The following FNIP1 variants were observed in gnomAD, a reference collection of about 807,000 sequenced individuals.
FNIP1 encodes folliculin interacting protein 1, also known as folliculin-interacting protein 1.
Under a neutral mutation model 124.5 loss-of-function variants are expected in FNIP1, and 40 were observed. The observed-to-expected ratio is 0.32, with a 90% CI of 0.25 to 0.42. The LOEUF (loss-of-function observed/expected upper bound fraction) is 0.42. Ranked by LOEUF, FNIP1 falls within the 10% of genes least tolerant of loss-of-function variation. The pLI is 1.00. For synonymous variants in FNIP1, 472 were observed against 470.6 expected (o/e 1.00, Z -0.04); for missense variants, 1,176 against 1,403.7 (o/e 0.84, Z 2.59).
Position 131,698,966 on chromosome 5 carries a change from G to T in FNIP1, c.1153C>A (p.Gln385Lys). ...ATTCGATTATATGCCAAACTTCTCT[G>T]ACTGGCATCAGCTGATCTCCGGCTC... ...KMSRRSADAS[Q>K]RSLAYNRIVD... is the part of the protein sequence containing the mutation. The change falls in exon 11 of 18, where the codon CAG (glutamine) becomes AAG (lysine). Residue 385 changes from glutamine (Q) to lysine (K), a missense_variant. By Grantham distance (53) the Gln-to-Lys change is moderately conservative. Coordinates refer to ENST00000510461, the MANE Select transcript of FNIP1 (RefSeq NM_133372.3). The T allele has an allele frequency of 6.2e-7, 1 of 1,611,452 alleles. No homozygotes were observed. Among genetic ancestry groups the T allele is most frequent in the South Asian group, 1.1e-5 (1 of 90,548 alleles).
intron 11 of FNIP1, among the ~76,000 whole-genome samples, chr5:131,687,034 A>G (rs1440794918): frequency 1.3e-5 from 2 of 150,636 alleles, no homozygotes; most frequent in Non-Finnish European, 3.0e-5. Flanking sequence ...AAAAAAAAAA[A>G]GCATAGGTTT....
At chr5:131,712,550 G>C (rs1381705967) in intron 6 of FNIP1, among the ~76,000 whole-genome samples, 3 of 152,136 alleles carry the variant, frequency 2.0e-5, no homozygotes, top group African/African-American at 2.4e-5. Context: ...GAATTTAGCT[G>C]TATCCTCATC....
chr5:131,693,457 G>A (rs1249239262), intron 11 of FNIP1, among the ~76,000 whole-genome samples: 1 of 149,308 alleles, frequency 6.7e-6, no homozygotes, highest in Non-Finnish European at 1.5e-5. Flanking sequence ...CTTTGACAAC[G>A]GAGCAAAGGT....
intron 1 of FNIP1, among the ~76,000 whole-genome samples, chr5:131,776,317 A>C (rs1304052779): frequency 4.6e-5 from 7 of 152,260 alleles, no homozygotes; most frequent in African/African-American, 1.4e-4. Context: ...ATATTTAGGA[A>C]TGCAATGTGT....
intron 12 of FNIP1, 22 bp downstream of exon 12, chr5:131,679,007 G>A (rs1193641149): frequency 6.5e-7 from 1 of 1,539,650 alleles, no homozygotes; most frequent in East Asian, 2.3e-5. Flanking sequence ...TAGATATCTA[G>A]TTATAATAAA....
At chr5:131,698,885 T>G (rs1164540772) in intron 11 of FNIP1, 32 bp downstream of exon 11, 15 of 1,546,962 alleles carry the variant, frequency 9.7e-6, no homozygotes, top group Non-Finnish European at 1.3e-5. Flanking sequence ...CACTATGAAT[T>G]ACTGCATTAT....
chr5:131,747,152 C>T (rs1383649367), intron 1 of FNIP1, among the ~76,000 whole-genome samples: 1 of 151,954 alleles, frequency 6.6e-6, no homozygotes, highest in African/African-American at 2.4e-5. Flanking sequence ...GTTTAAATTC[C>T]TTATAGATTC....
In FNIP1 at chr5:131,650,602, T is replaced by C. The variant is rs569927708; in HGVS notation, c.3306+1200A>G. ...TATTTCCTCTTTTCCAATCTTGAAG[T>C]CTTTTGTATTTTTCTTGCCTGATTG... is the stretch of plus-strand genomic sequence containing the variant. On this transcript the variant is annotated intron_variant, in intron 16 of 17. Transcript: ENST00000510461. 2.0e-5 allele frequency among the ~76,000 whole-genome samples: 3 copies of C among 152,308 alleles called. No individual in the cohort carries two copies. The East Asian group carries it at 5.8e-4, about 29-fold the overall frequency.
chr5:131,684,988 T>C (rs1325666948), intron 11 of FNIP1, among the ~76,000 whole-genome samples: 1 of 152,162 alleles, frequency 6.6e-6, no homozygotes, highest in African/African-American at 2.4e-5. Context: ...TGAAAACATA[T>C]AATGTACCCA....
At chr5:131,668,859 C>T (rs1345719976) in intron 15 of FNIP1, among the ~76,000 whole-genome samples, 1 of 152,142 alleles carries the variant, frequency 6.6e-6, no homozygotes, top group African/African-American at 2.4e-5. Context: ...AAAAGCAGGA[C>T]AATTTGGCCC....
At chr5:131,771,890 A>C (rs571980978) in intron 1 of FNIP1, among the ~76,000 whole-genome samples, 2 of 152,244 alleles carry the variant, frequency 1.3e-5, no homozygotes, top group African/African-American at 4.8e-5. Flanking sequence ...CACATTTGAC[A>C]CTATGACCTC....
At chr5:131,729,972 C>T (rs947138140) in intron 3 of FNIP1, among the ~76,000 whole-genome samples, 11 of 151,764 alleles carry the variant, frequency 7.2e-5, no homozygotes, top group African/African-American at 2.4e-4. Flanking sequence ...AACTCCTGAC[C>T]TCAGGTGATC....
intron 16 of FNIP1, among the ~76,000 whole-genome samples, chr5:131,649,986 T>C (rs945162006): frequency 6.6e-6 from 1 of 152,212 alleles, no homozygotes; most frequent in Admixed American, 6.5e-5. Context: ...TATATACCTG[T>C]CCTTATGCCA....
intron 1 of FNIP1, among the ~76,000 whole-genome samples, chr5:131,781,938 T>C (rs753477000): frequency 6.6e-6 from 1 of 152,096 alleles, no homozygotes; most frequent in African/African-American, 2.4e-5. Flanking sequence ...GTGGGAAGAC[T>C]GCTTGAGGCC....
chr5:131,760,089 G>C (rs1487208059), intron 1 of FNIP1, among the ~76,000 whole-genome samples: 1 of 152,132 alleles, frequency 6.6e-6, no homozygotes, highest in Non-Finnish European at 1.5e-5. Flanking sequence ...GACTACTAGA[G>C]GGAAGAGGGA....
chr5:131,732,484 T>A (rs942704871), intron 2 of FNIP1, among the ~76,000 whole-genome samples: 1 of 152,218 alleles, frequency 6.6e-6, no homozygotes, highest in East Asian at 1.9e-4. Flanking sequence ...AAGTCTTTAA[T>A]CCATCTTGAA....
chr5:131,718,989 T>C lies in FNIP1; in HGVS notation c.527A>G (p.Asn176Ser), dbSNP rs747144983. The C allele has an allele frequency of 1.2e-6, 2 of 1,612,942 alleles. No homozygotes were observed. Among genetic ancestry groups the C allele is most frequent in the African/African-American group, 1.3e-5 (1 of 75,018 alleles). Residue 176 changes from asparagine to serine, a missense_variant, in exon 5 of 18, where the codon AAT becomes AGT. Physicochemically the swap from Asn to Ser is conservative, Grantham distance 46. Around this residue, in one of 2 missense-constraint regions of FNIP1, gnomAD observed 1,109 missense variants for 1,288.5 expected, o/e 0.86. Coordinates refer to ENST00000510461, the MANE Select transcript of FNIP1 (RefSeq NM_133372.3). Reference sequence around the variant, plus strand: ...CCCTGTATCCATAAGCACTTACGTATTGAGACTCCCACAAATACTGCTGCC... The same window carrying C: ...CCCTGTATCCATAAGCACTTACGTACTGAGACTCCCACAAATACTGCTGCC... The part of the protein sequence containing the change: ...RTGSSICGSL[N>S]TLQDSLEFIN...
At chr5:131,738,327 A>G (rs1445708054) in intron 2 of FNIP1, among the ~76,000 whole-genome samples, 1 of 152,074 alleles carries the variant, frequency 6.6e-6, no homozygotes, top group Non-Finnish European at 1.5e-5. Context: ...GGAACTCTTT[A>G]TATTAACACT....
chr5:131,671,251 G>C (rs1252804522), intron 14 of FNIP1, among the ~76,000 whole-genome samples: 1 of 152,184 alleles, frequency 6.6e-6, no homozygotes, highest in African/African-American at 2.4e-5. Context: ...TAAATGGCTT[G>C]AAACCTTCTA....
Sources: allele counts gnomAD v4.1 joint callset (sites outside exome capture counted in the v4.1 genomes callset), GRCh38; gene constraint gnomAD v4.1.1; regional missense constraint gnomAD v4.1.1; transcripts MANE v1.5; gene names NCBI Gene and HGNC (gene_info 2026-07-23, HGNC 2026-07-21).